SIK3: variants seen among roughly 807,000 people sequenced by gnomAD.
The protein encoded by SIK3 is SIK family kinase 3, also known as serine/threonine-protein kinase SIK3.
A neutral mutation model predicts 144.2 loss-of-function variants in SIK3; 28 were observed. The observed-to-expected ratio is 0.19, with a 90% CI of 0.14 to 0.27. The LOEUF is 0.27. Ranked by LOEUF, SIK3 falls within the 10% of genes least tolerant of loss-of-function variation. The probability of loss-of-function intolerance (pLI) is 1.00; values close to 1 mark genes in which losing one functional copy is unlikely to be tolerated. For synonymous variants in SIK3, 686 were observed against 676.3 expected (o/e 1.01, Z -0.22); for missense variants, 1,319 against 1,776.0 (o/e 0.74, Z 4.62).
At chr11:116,979,737 C>T (rs1950074802) in intron 1 of SIK3, among the ~76,000 whole-genome samples, 1 of 152,068 alleles carries the variant, frequency 6.6e-6, no homozygotes. Flanking sequence ...GTCCCAGTTA[C>T]TTGGGAGGCT....
chr11:116,876,419 G>A, intron 7 of SIK3, 56 bp from the exon 8 acceptor site: 1 of 1,399,564 alleles, frequency 7.1e-7, no homozygotes, highest in Non-Finnish European at 1.0e-6. Context: ...ATCAAATGTG[G>A]CACAGCATAT....
At chr11:116,997,409 G>A (rs1950706179) in intron 1 of SIK3, among the ~76,000 whole-genome samples, 2 of 152,118 alleles carry the variant, frequency 1.3e-5, no homozygotes, top group African/African-American at 4.8e-5. Context: ...AAATATGCAA[G>A]GCACTAAATG....
intron 1 of SIK3, among the ~76,000 whole-genome samples, chr11:117,038,964 T>C (rs1158622942): frequency 2.0e-5 from 3 of 151,638 alleles, no homozygotes; most frequent in South Asian, 2.1e-4. Flanking sequence ...GCAGGAGAAT[T>C]GTTTGAACCT....
At chr11:117,064,258 T>C (rs1440512111) in intron 1 of SIK3, among the ~76,000 whole-genome samples, 1 of 152,236 alleles carries the variant, frequency 6.6e-6, no homozygotes, top group African/African-American at 2.4e-5. Context: ...CTGTATTATC[T>C]AATTTATAGT....
chr11:116,957,499 T>C (rs1949184682), intron 1 of SIK3, among the ~76,000 whole-genome samples: 1 of 152,186 alleles, frequency 6.6e-6, no homozygotes, highest in African/African-American at 2.4e-5. Flanking sequence ...ACTAAGGTTC[T>C]ATGAGAACTT....
chr11:116,888,717 C>T (rs1239347298), intron 6 of SIK3, among the ~76,000 whole-genome samples: 1 of 152,190 alleles, frequency 6.6e-6, no homozygotes, highest in Non-Finnish European at 1.5e-5. Context: ...CATACAAAAA[C>T]TTGTATTGCT....
At chr11:116,979,303 C>T (rs1403186559) in intron 1 of SIK3, among the ~76,000 whole-genome samples, 2 of 152,086 alleles carry the variant, frequency 1.3e-5, no homozygotes, top group Non-Finnish European at 2.9e-5. Flanking sequence ...GTTTCTACTC[C>T]TGTAAAATTA....
intron 1 of SIK3, among the ~76,000 whole-genome samples, chr11:117,057,734 T>C (rs1953603495): frequency 6.6e-6 from 1 of 152,204 alleles, no homozygotes; most frequent in Non-Finnish European, 1.5e-5. Flanking sequence ...TGCTACCAAA[T>C]GGCTGTGTGA....
chr11:116,944,959 T>C (rs569810), intron 3 of SIK3, among the ~76,000 whole-genome samples: 1 of 148,928 alleles, frequency 6.7e-6, no homozygotes, highest in South Asian at 2.1e-4. Flanking sequence ...GCTACATTTC[T>C]TTTTTCTTTT....
intron 6 of SIK3, among the ~76,000 whole-genome samples, chr11:116,885,414 G>C (rs1439197369): frequency 3.3e-5 from 5 of 152,178 alleles, no homozygotes; most frequent in African/African-American, 1.2e-4. Flanking sequence ...AGGTGGGCAT[G>C]ATGCTGCCAG....
intron 3 of SIK3, among the ~76,000 whole-genome samples, chr11:116,937,234 A>G (rs1007019285): frequency 3.3e-5 from 5 of 152,214 alleles, no homozygotes; most frequent in Admixed American, 1.3e-4. Flanking sequence ...AAATACAAAT[A>G]TGCATGTGTA....
intron 1 of SIK3, among the ~76,000 whole-genome samples, chr11:117,061,748 G>A (rs1422566963): frequency 3.3e-5 from 5 of 152,062 alleles, no homozygotes; most frequent in African/African-American, 7.2e-5. Context: ...CACTGTATTC[G>A]CTGGTATGAT....
intron 1 of SIK3, among the ~76,000 whole-genome samples, chr11:117,014,792 G>T (rs1951449893): frequency 6.6e-6 from 1 of 152,136 alleles, no homozygotes; most frequent in Non-Finnish European, 1.5e-5. Context: ...ATTTTTAAGT[G>T]GGTAGTTCAC....
At chr11:116,987,929 C>T (rs1486446074) in intron 1 of SIK3, among the ~76,000 whole-genome samples, 1 of 152,164 alleles carries the variant, frequency 6.6e-6, no homozygotes, top group African/African-American at 2.4e-5. Flanking sequence ...TTGGATGGTA[C>T]AACTAGCACT....
intron 3 of SIK3, among the ~76,000 whole-genome samples, chr11:116,951,756 G>A (rs1460908003): frequency 2.0e-5 from 3 of 151,992 alleles, no homozygotes; most frequent in Admixed American, 6.6e-5. Context: ...GCAACATAAT[G>A]AGACCTAATC....
At position 116,859,411 on chromosome 11, in the gene SIK3, A is replaced by G. The variant is rs761477094; in HGVS notation, c.2619T>C (p.Ala873=). 1.2e-6 allele frequency: 2 copies of G among 1,614,114 alleles called. No homozygotes were observed. The highest frequency in any genetic ancestry group is 3.3e-5 in the Admixed American group (2 of 60,010). The change falls in exon 20 of 25, where the codon GCT becomes GCC. Residue 873 remains alanine (A), a synonymous_variant. Transcript: ENST00000445177. ...VDMLSNMPGT[A]AGSSGRGISI... ...AGATGCCGCGCCCACTGGAGCCTGC[A>G]GCTGTGCCTGGCATGTTGCTGAGCA...
intron 1 of SIK3, 57 bp downstream of exon 1, chr11:117,098,086 G>T: frequency 2.3e-6 from 3 of 1,307,308 alleles, no homozygotes; most frequent in Non-Finnish European, 2.9e-6. Flanking sequence ...GCTGGGGGGC[G>T]CGGACCTCTC....
At position 116,859,455 on chromosome 11, in the gene SIK3, C is replaced by A; in HGVS notation, c.2575G>T (p.Val859Phe). Residue 859 changes from valine to phenylalanine, a missense_variant, in exon 20 of 25, where the codon GTC (valine) becomes TTC (phenylalanine). Physicochemically the swap from Val to Phe is conservative, Grantham distance 50 (BLOSUM62 -1). Coordinates refer to ENST00000445177, the MANE Select transcript of SIK3 (RefSeq NM_001366686.3). ...CTGAGCATGTCAACAGGCTCTTGGA[C>A]TTGGATGGTGACCTGCTGTGACTGA... ...PAQSQQVTIQ[V>F]QEPVDMLSNM... The A allele has an allele frequency of 6.2e-7, 1 of 1,614,234 alleles. No individual in the cohort carries two copies. Among genetic ancestry groups the A allele is most frequent in the Non-Finnish European group, 8.5e-7 (1 of 1,180,056 alleles).
chr11:116,983,607 G>T (rs1040033802), intron 1 of SIK3, among the ~76,000 whole-genome samples: 11 of 152,150 alleles, frequency 7.2e-5, no homozygotes, highest in African/African-American at 2.7e-4. Flanking sequence ...TCAGTTGAAT[G>T]AAAATGCTCT....
Sources: gnomAD v4.1 joint callset for allele counts (sites outside exome capture counted in the v4.1 genomes callset) on GRCh38, gnomAD v4.1.1 for gene constraint, MANE v1.5 for transcripts, NCBI Gene and HGNC (gene_info 2026-07-23, HGNC 2026-07-21) for gene names.